THSD7A: variants seen among roughly 807,000 people sequenced by gnomAD.
THSD7A encodes the protein thrombospondin type-1 domain-containing protein 7A.
In THSD7A, 96 loss-of-function variants were observed where a neutral mutation model predicts 231.3. That is an observed-to-expected ratio of 0.41 (90% CI 0.35 to 0.49). THSD7A has a LOEUF of 0.49. Ranked by LOEUF, THSD7A falls within the 20% of genes least tolerant of loss-of-function variation. THSD7A has a pLI of 0.05. For synonymous variants in THSD7A, 940 were observed against 743.3 expected, an observed-to-expected ratio of 1.26 and a Z score of -4.30; for missense variants, 2,290 against 2,070.2, an observed-to-expected ratio of 1.11 and a Z score of -2.06.
At chr7:11,818,505 T>C (rs915567832) in intron 1 of THSD7A, among the ~76,000 whole-genome samples, 2 of 152,208 alleles carry the variant, frequency 1.3e-5, no homozygotes, top group African/African-American at 4.8e-5. Context: ...AGTAGCAGGC[T>C]GACTTAACAG....
At chr7:11,790,983 T>C (rs77218726) in intron 1 of THSD7A, among the ~76,000 whole-genome samples, 4,974 of 152,040 alleles carry the variant, frequency 0.033, 156 homozygotes, top group East Asian at 0.15. Context: ...TACTGTAATC[T>C]GCAATCATAT....
intron 1 of THSD7A, among the ~76,000 whole-genome samples, chr7:11,813,347 T>C (rs919149648): frequency 2.0e-5 from 3 of 152,140 alleles, no homozygotes; most frequent in Admixed American, 2.0e-4. Context: ...TAATTACATG[T>C]TTTTAAATGA....
intron 4 of THSD7A, among the ~76,000 whole-genome samples, chr7:11,555,281 G>T (rs1789799091): frequency 6.6e-6 from 1 of 151,798 alleles, no homozygotes; most frequent in African/African-American, 2.4e-5. Context: ...CACAGATTTT[G>T]ATATATTTTC....
chr7:11,420,993 T>C (rs977132671), intron 16 of THSD7A, among the ~76,000 whole-genome samples: 1 of 152,162 alleles, frequency 6.6e-6, no homozygotes, highest in Non-Finnish European at 1.5e-5. Context: ...ATCTTGGAAG[T>C]AACTAACTTG....
intron 23 of THSD7A, among the ~76,000 whole-genome samples, 191 bp downstream of exon 23, chr7:11,401,604 T>A (rs1236828800): frequency 6.6e-6 from 1 of 151,788 alleles, no homozygotes; most frequent in East Asian, 1.9e-4. Context: ...AGAGTTTGGG[T>A]TTGGCCATGT....
chr7:11,481,890 T>C lies in THSD7A; in HGVS notation c.1915A>G (p.Thr639Ala). ...GAGCAGGAGGACCACGTAGACCATG[T>C]GCTGAGCACACAGTCTTTCGGGCAT... ...APCPKDCVLS[T>A]WSTWSSCSHT... Residue 639 changes from threonine to alanine, a missense_variant, in exon 7 of 28, where the codon ACA (threonine) becomes GCA (alanine). By Grantham distance (58) the Thr-to-Ala change is moderately conservative. Coordinates refer to ENST00000423059, the MANE Select transcript of THSD7A (RefSeq NM_015204.3). 1.9e-6 allele frequency: 3 copies of C among 1,613,808 alleles called. No homozygotes were observed. Among genetic ancestry groups the C allele is most frequent in the Non-Finnish European group, 2.5e-6 (3 of 1,179,750 alleles).
At chr7:11,616,826 T>C (rs1187397196) in intron 2 of THSD7A, among the ~76,000 whole-genome samples, 1 of 152,256 alleles carries the variant, frequency 6.6e-6, no homozygotes, top group African/African-American at 2.4e-5. Context: ...AAGTGATAAA[T>C]AGCAAAAAGA....
At chr7:11,810,884 A>G (rs1322524502) in intron 1 of THSD7A, among the ~76,000 whole-genome samples, 2 of 152,150 alleles carry the variant, frequency 1.3e-5, no homozygotes, top group East Asian at 3.8e-4. Context: ...TATCCCTTAA[A>G]AGCACACAAT....
chr7:11,707,886 T>A (rs1780822901), intron 1 of THSD7A, among the ~76,000 whole-genome samples: 1 of 150,898 alleles, frequency 6.6e-6, no homozygotes, highest in Non-Finnish European at 1.5e-5. Context: ...TTCTTTTTTT[T>A]TGATTGTTTA....
At chr7:11,667,742 T>C (rs974005782) in intron 1 of THSD7A, among the ~76,000 whole-genome samples, 1 of 152,154 alleles carries the variant, frequency 6.6e-6, no homozygotes, top group Non-Finnish European at 1.5e-5. Flanking sequence ...GAGTTACGTA[T>C]GATTATCATG....
Position 11,813,892 on chromosome 7 carries a change from G to A in THSD7A, c.190+17865C>T, listed in dbSNP as rs534944969. ...AACTTGTACATCAATGTTCATAGTA[G>A]CATGATTCATAATAGCCAAAAGGTA... On this transcript the variant is annotated intron_variant, in intron 1 of 27. Transcript: ENST00000423059. Among the ~76,000 whole-genome samples, 4 of 152,200 alleles carry A rather than the reference G, an allele frequency of 2.6e-5. No individual in the cohort carries two copies. The East Asian group carries it at 7.7e-4, about 29-fold the overall frequency.
At chr7:11,776,998 T>G (rs944054549) in intron 1 of THSD7A, among the ~76,000 whole-genome samples, 1 of 152,226 alleles carries the variant, frequency 6.6e-6, no homozygotes, top group Admixed American at 6.5e-5. Context: ...TTTACTCGTT[T>G]GTTCTGTGTA....
rs1422492872 is a variant in THSD7A, at chr7:11,769,151, A to ATT, written c.190+62605_190+62606insAA. 2.5e-3 allele frequency among the ~76,000 whole-genome samples: 90 copies of ATT among 35,446 alleles called. 2 individuals carry two copies. The highest frequency in any genetic ancestry group is 3.9e-3 in the Non-Finnish European group (65 of 16,626). 23.3% of individuals were successfully genotyped at this position (35,446 alleles called of 152,430 possible). On this transcript the variant is annotated intron_variant, in intron 1 of 27. Transcript: ENST00000423059. ...TATATATATATATATATATATATAT[A>ATT]TATTTTTTTTTTTTTTTGGTATTTT...
intron 4 of THSD7A, among the ~76,000 whole-genome samples, chr7:11,584,263 GA>G (rs1791297259): frequency 6.6e-6 from 1 of 151,466 alleles, no homozygotes. Context: ...AACAACATTG[GA>G]AAAAATATAT....
chr7:11,543,969 C>A (rs988209473), intron 4 of THSD7A, among the ~76,000 whole-genome samples: 3 of 152,050 alleles, frequency 2.0e-5, no homozygotes, highest in Admixed American at 6.6e-5. Flanking sequence ...TCAAGTTTAG[C>A]TGTATAATAT....
intron 17 of THSD7A, 98 bp from the exon 18 acceptor site, chr7:11,412,898 C>G (rs976984636): frequency 1.1e-5 from 15 of 1,378,664 alleles, no homozygotes; most frequent in African/African-American, 2.9e-5. Context: ...AACATTTGGG[C>G]CACTGGCTAA....
intron 1 of THSD7A, among the ~76,000 whole-genome samples, chr7:11,672,053 T>C (rs1783416504): frequency 6.6e-6 from 1 of 152,174 alleles, no homozygotes; most frequent in Admixed American, 6.5e-5. Flanking sequence ...AATTTAAATG[T>C]TAACTTTTAT....
At chr7:11,487,775 T>C (rs756442374) in intron 6 of THSD7A, among the ~76,000 whole-genome samples, 4 of 152,044 alleles carry the variant, frequency 2.6e-5, no homozygotes, top group Non-Finnish European at 4.4e-5. Flanking sequence ...CATGAGAACA[T>C]CATGGGGGAG....
intron 1 of THSD7A, among the ~76,000 whole-genome samples, chr7:11,710,809 A>G (rs1222045551): frequency 6.6e-6 from 1 of 150,948 alleles, no homozygotes; most frequent in African/African-American, 2.4e-5. Context: ...AGCTTACATC[A>G]AAATGTAAGA....
Sources: gnomAD v4.1 joint callset for allele counts (sites outside exome capture counted in the v4.1 genomes callset) on GRCh38, gnomAD v4.1.1 for gene constraint, MANE v1.5 for transcripts, NCBI Gene and HGNC (gene_info 2026-07-23, HGNC 2026-07-21) for gene names.